Variants in SIRT3 observed in about 807,000 individuals in gnomAD.
The protein encoded by SIRT3 is NAD-dependent protein deacetylase sirtuin-3, mitochondrial.
A neutral mutation model predicts 33.5 loss-of-function variants in SIRT3; 26 were observed. That is an observed-to-expected ratio of 0.78 (90% CI 0.57 to 1.08). The LOEUF (loss-of-function observed/expected upper bound fraction) is 1.08, where lower values mean the gene tolerates loss of function less well. Among genes scored for constraint, SIRT3 ranks in the 50% least tolerant of loss-of-function variants. The probability of loss-of-function intolerance (pLI) is 0.00; values close to 1 mark genes in which losing one functional copy is unlikely to be tolerated. For synonymous variants in SIRT3, 237 were observed against 222.1 expected (o/e 1.07, Z -0.60); for missense variants, 585 against 530.1 (o/e 1.10, Z -1.02).
intron 5 of SIRT3, among the ~76,000 whole-genome samples, chr11:219,700 G>GA (rs11377092): frequency 0.81 from 123,204 of 151,936 alleles, 50,643 homozygotes; most frequent in African/African-American, 0.95. Context: ...ACCTCCCACT[G>GA]AAAAAAATTC....
chr11:224,338 A>C (rs978489439), intron 4 of SIRT3, 99 bp from the exon 5 acceptor site: 9 of 1,296,512 alleles, frequency 6.9e-6, no homozygotes, highest in Middle Eastern at 2.7e-4. Flanking sequence ...ATTCTCCCCC[A>C]AAAAAGGTGA....
At chr11:224,997 T>C (rs1156344982) in intron 4 of SIRT3, among the ~76,000 whole-genome samples, 2 of 151,456 alleles carry the variant, frequency 1.3e-5, no homozygotes, top group African/African-American at 4.9e-5. Flanking sequence ...AGATTTCAGA[T>C]ATTCTTGGAT....
At position 215,877 on chromosome 11, in the gene SIRT3, A is replaced by C. The variant is rs1206468597; in HGVS notation, c.*821T>G. 1 of 151,980 alleles carries C rather than the reference A, an allele frequency of 6.6e-6. No individual in the cohort carries two copies. Among genetic ancestry groups the C allele is most frequent in the East Asian group, 1.9e-4 (1 of 5,172 alleles). The allele number at this position is 151,980 out of a possible 1,614,324, so 9.4% of individuals were successfully genotyped here. ...AGATTAGCTCTAACAGTGTCACTAG[A>C]GGAAGCCCTGGCGAGGGTGGGGGGG... On this transcript the variant is annotated 3_prime_UTR_variant, in exon 7 of 7. Coordinates refer to ENST00000382743, the MANE Select transcript of SIRT3 (RefSeq NM_012239.6).
chr11:235,668 C>T (rs770331091), intron 1 of SIRT3, among the ~76,000 whole-genome samples: 13 of 152,230 alleles, frequency 8.5e-5, no homozygotes, highest in Non-Finnish European at 1.6e-4. Context: ...ACTATGGAGA[C>T]GGGTACGATC....
Position 236,212 on chromosome 11 carries a change from C to T in SIRT3, c.117G>A (p.Val39=). ...GPFQACGCRL[V]LGGRDDVSAG... is the part of the protein sequence containing the mutation. ...CACTCACATCGTCCCTGCCGCCAAGCACCAGCCGACAGCCGCAGGCCTGAA... is the reference window on the plus strand; with the variant it reads ...CACTCACATCGTCCCTGCCGCCAAGTACCAGCCGACAGCCGCAGGCCTGAA... The change falls in exon 1 of 7, where the codon GTG becomes GTA. Residue 39 remains valine, a synonymous_variant. Coordinates refer to ENST00000382743, the MANE Select transcript of SIRT3 (RefSeq NM_012239.6). 1.3e-6 allele frequency: 2 copies of T among 1,558,750 alleles called. No individual in the cohort carries two copies. Among genetic ancestry groups the T allele is most frequent in the Non-Finnish European group, 1.7e-6 (2 of 1,155,680 alleles).
Position 219,017 on chromosome 11 carries a change from C to CA in SIRT3, c.993_994insT (p.Glu332Ter). On this transcript the variant is annotated frameshift_variant, in exon 6 of 7. Transcript: ENST00000382743. LOFTEE classifies it high-confidence loss of function. ...CGGGGAACTGAGCTCCGCACGGCCT[C>CA]GGTCAAGCTGGCAAAAGGCTCCACC... 6.2e-7 allele frequency: 1 copy of CA among 1,613,686 alleles called. No individual in the cohort carries two copies. The highest frequency in any genetic ancestry group is 8.5e-7 in the Non-Finnish European group (1 of 1,179,918).
chr11:229,192 G>A (rs138696216), intron 4 of SIRT3, among the ~76,000 whole-genome samples: 2 of 149,312 alleles, frequency 1.3e-5, no homozygotes, highest in Admixed American at 6.7e-5. Flanking sequence ...AGTGGCTCTC[G>A]CCTGTAATCC....
intron 3 of SIRT3, 58 bp from the exon 4 acceptor site, chr11:230,610 C>A: frequency 1.6e-6 from 2 of 1,246,154 alleles, no homozygotes; most frequent in Non-Finnish European, 2.2e-6. Context: ...CACGCAAGGC[C>A]AAGAGCACAA....
chr11:216,598 G>A lies in SIRT3; in HGVS notation c.*100C>T. ...GTGTCCACTCAGTTCACATATTCTG[G>A]TTTCACCTGCCCAAGCTGTCTTCAG... On this transcript the variant is annotated 3_prime_UTR_variant, in exon 7 of 7. Coordinates refer to ENST00000382743, the MANE Select transcript of SIRT3 (RefSeq NM_012239.6). The A allele has an allele frequency of 7.1e-7, 1 of 1,405,868 alleles. No homozygotes were observed. The highest frequency in any genetic ancestry group is 1.0e-6 in the Non-Finnish European group (1 of 994,968). The allele number at this position is 1,405,868 out of a possible 1,614,324, so 87.1% of individuals were successfully genotyped here. A position where few individuals can be genotyped will look rare whatever the true frequency, so the allele number is the denominator to read the frequency against.
chr11:230,211 CAAAA>C (rs752924694), intron 4 of SIRT3, among the ~76,000 whole-genome samples: 1 of 113,650 alleles, frequency 8.8e-6, no homozygotes. Flanking sequence ...GACTCAATCT[CAAAA>C]AAAAAAAAAA....
At chr11:234,468 GCA>G (rs1245792941) in intron 1 of SIRT3, among the ~76,000 whole-genome samples, 1 of 151,378 alleles carries the variant, frequency 6.6e-6, no homozygotes, top group African/African-American at 2.5e-5. Context: ...AGGCTGGAGT[GCA>G]GTGTCGCGAT....
intron 4 of SIRT3, among the ~76,000 whole-genome samples, chr11:228,489 C>A (rs1309169620): frequency 6.6e-6 from 1 of 152,196 alleles, no homozygotes; most frequent in African/African-American, 2.4e-5. Flanking sequence ...CTATGGCCAA[C>A]TGATTTTCAA....
intron 4 of SIRT3, among the ~76,000 whole-genome samples, chr11:224,721 C>T (rs116892839): frequency 2.2e-3 from 336 of 152,278 alleles, no homozygotes; most frequent in Non-Finnish European, 3.9e-3. Context: ...TTCAGGTCAG[C>T]TTCACTCACT....
intron 1 of SIRT3, chr11:233,824 G>A: frequency 3.3e-6 from 1 of 299,808 alleles, no homozygotes; most frequent in East Asian, 6.7e-5. Flanking sequence ...CTGACTGACT[G>A]CAAACCTCCA....
At chr11:221,984 A>G (rs1856504099) in intron 5 of SIRT3, among the ~76,000 whole-genome samples, 1 of 152,010 alleles carries the variant, frequency 6.6e-6, no homozygotes, top group Non-Finnish European at 1.5e-5. Flanking sequence ...TCTTTATATA[A>G]TGTACGAATC....
intron 3 of SIRT3, among the ~76,000 whole-genome samples, chr11:232,420 G>C (rs891312656): frequency 6.6e-6 from 1 of 152,044 alleles, no homozygotes; most frequent in Non-Finnish European, 1.5e-5. Flanking sequence ...CCTGTAATCC[G>C]GCACCCGGCC....
Position 218,940 on chromosome 11 carries a change from G to C in SIRT3, c.1071C>G (p.Ser357Arg). ...LVGPLAWHPR[S>R]RDVAQLGDVV... ...CGTCCCCCAGCTGGGCCACGTCCCT[G>C]CTGCGAGGATGCCAAGCCAAGGGCC... The change falls in exon 6 of 7, where the codon AGC becomes AGG. Residue 357 changes from serine to arginine, a missense_variant. Physicochemically the swap from Ser to Arg is moderately radical, Grantham distance 110. Transcript: ENST00000382743. The C allele has an allele frequency of 1.2e-6, 2 of 1,614,178 alleles. No individual in the cohort carries two copies. The highest frequency in any genetic ancestry group is 1.6e-4 in the Middle Eastern group (1 of 6,062).
At chr11:220,503 T>C (rs930048624) in intron 5 of SIRT3, among the ~76,000 whole-genome samples, 2 of 152,000 alleles carry the variant, frequency 1.3e-5, no homozygotes, top group African/African-American at 2.4e-5. Context: ...CAACTGGCAA[T>C]AAACATGAAA....
chr11:235,027 G>A (rs571892919), intron 1 of SIRT3, among the ~76,000 whole-genome samples: 14 of 151,874 alleles, frequency 9.2e-5, no homozygotes, highest in Non-Finnish European at 1.5e-4. Context: ...ACAGGCGCCC[G>A]CCACCACGCC....
Sources: gnomAD v4.1 joint callset for allele counts (sites outside exome capture counted in the v4.1 genomes callset) on GRCh38, gnomAD v4.1.1 for gene constraint, MANE v1.5 for transcripts, NCBI Gene and HGNC (gene_info 2026-07-23, HGNC 2026-07-21) for gene names.